EML4: variants seen among roughly 807,000 people sequenced by gnomAD.
EML4 encodes echinoderm microtubule-associated protein-like 4.
In EML4, 72 loss-of-function variants were observed where a neutral mutation model predicts 129.0. That is an observed-to-expected ratio of 0.56 (90% CI 0.46 to 0.68). The LOEUF (loss-of-function observed/expected upper bound fraction) is 0.68. Among genes scored for constraint, EML4 ranks in the 30% least tolerant of loss-of-function variants. The pLI is 0.00. For missense variants in EML4, 1,363 were observed against 1,190.6 expected, an observed-to-expected ratio of 1.14 and a Z score of -2.13; for synonymous variants, 532 against 405.0, an observed-to-expected ratio of 1.31 and a Z score of -3.77.
intron 6 of EML4, 37 bp from the exon 7 acceptor site, chr2:42,280,813 A>G: frequency 6.5e-7 from 1 of 1,549,126 alleles, no homozygotes; most frequent in Non-Finnish European, 8.8e-7. Context: ...TATACAGAAA[A>G]TACGTATGAC....
At chr2:42,182,155 C>CT (rs1670983320) in intron 1 of EML4, among the ~76,000 whole-genome samples, 2 of 97,852 alleles carry the variant, frequency 2.0e-5, no homozygotes, top group African/African-American at 4.1e-5. Flanking sequence ...TAGAAAAATT[C>CT]TTCTTTTTTT....
chr2:42,239,997 T>A (rs1234483763), intron 1 of EML4, among the ~76,000 whole-genome samples: 1 of 152,216 alleles, frequency 6.6e-6, no homozygotes, highest in African/African-American at 2.4e-5. Context: ...GAAGGAACTC[T>A]GACTCGTTTG....
chr2:42,247,764 G>C (rs1162726709), intron 2 of EML4, among the ~76,000 whole-genome samples: 7 of 151,950 alleles, frequency 4.6e-5, no homozygotes, highest in Admixed American at 2.6e-4. Flanking sequence ...GATTTTTATA[G>C]GAGGATTTTG....
intron 1 of EML4, among the ~76,000 whole-genome samples, chr2:42,227,636 T>C (rs973476698): frequency 2.6e-5 from 4 of 152,186 alleles, no homozygotes; most frequent in South Asian, 2.1e-4. Context: ...GGTCCACTTA[T>C]ATAAGGATTT....
chr2:42,200,329 A>C (rs1672151803), intron 1 of EML4, among the ~76,000 whole-genome samples: 1 of 152,120 alleles, frequency 6.6e-6, no homozygotes, highest in Non-Finnish European at 1.5e-5. Flanking sequence ...CGCCTCAAAA[A>C]AAGAGGAATA....
At chr2:42,252,441 C>T (rs774940150) in intron 2 of EML4, among the ~76,000 whole-genome samples, 1 of 152,126 alleles carries the variant, frequency 6.6e-6, no homozygotes, top group Non-Finnish European at 1.5e-5. Context: ...AGACCACTGC[C>T]CTGAAATCAG....
In EML4 at chr2:42,282,825, A is replaced by T; in HGVS notation, c.794A>T (p.Tyr265Phe). The change falls in exon 8 of 23, where the codon TAT becomes TTT. Residue 265 changes from tyrosine to phenylalanine, a missense_variant and splice_region_variant. Physicochemically the swap from Tyr to Phe is conservative, Grantham distance 22. Transcript: ENST00000318522. ...ACCTTGACTCTTTTTCTGTTAAGAT[A>T]TGGTTATCGAGGAAAGGACTGTAGA... The part of the protein sequence containing the change: ...PPEKLKLEWA[Y>F]GYRGKDCRAN... The T allele has an allele frequency of 6.2e-7, 1 of 1,610,090 alleles. No homozygotes were observed. Among genetic ancestry groups the T allele is most frequent in the Non-Finnish European group, 8.5e-7 (1 of 1,178,454 alleles).
chr2:42,244,044 A>C (rs1409614586), intron 1 of EML4, among the ~76,000 whole-genome samples: 6 of 151,910 alleles, frequency 3.9e-5, no homozygotes, highest in Admixed American at 3.3e-4. Context: ...GCTTATACTG[A>C]ATGAACCAAT....
chr2:42,240,077 G>A (rs1222761079), intron 1 of EML4, among the ~76,000 whole-genome samples: 2 of 152,066 alleles, frequency 1.3e-5, no homozygotes, highest in African/African-American at 4.8e-5. Flanking sequence ...ATGATGAGAG[G>A]GGTTGTTGGA....
chr2:42,294,724 G>T (rs1667848988), intron 11 of EML4, among the ~76,000 whole-genome samples: 1 of 151,912 alleles, frequency 6.6e-6, no homozygotes, highest in African/African-American at 2.4e-5. Flanking sequence ...TTGCGTGAAT[G>T]AATGCTCCAT....
chr2:42,304,622 A>T (rs902037631), intron 17 of EML4, 71 bp downstream of exon 17: 18 of 1,144,234 alleles, frequency 1.6e-5, no homozygotes, highest in Non-Finnish European at 2.3e-5. Context: ...AATGTTCTCA[A>T]TCTGATCTGG....
chr2:42,211,271 A>G (rs1672871084), intron 1 of EML4, among the ~76,000 whole-genome samples: 1 of 152,148 alleles, frequency 6.6e-6, no homozygotes, highest in African/African-American at 2.4e-5. Flanking sequence ...GTTGTACAAA[A>G]TGGTAGGGGT....
At chr2:42,245,140 A>G (rs1675315250) in intron 1 of EML4, among the ~76,000 whole-genome samples, 2 of 86,342 alleles carry the variant, frequency 2.3e-5, no homozygotes, top group South Asian at 8.5e-4. Context: ...TGTTGCCCAG[A>G]CTAGAGTGCA....
rs373112232 is a variant in EML4 at position 42,251,027 on chromosome 2, G to A, written c.208+5340G>A. On this transcript the variant is annotated intron_variant, in intron 2 of 22. Coordinates refer to ENST00000318522, the MANE Select transcript of EML4 (RefSeq NM_019063.5). The stretch of plus-strand genomic sequence containing the variant: ...GAGAATCTAATACCGCCACTGATCT[G>A]ACAGGAGGCTGAGCTCAGGTGGTAA... Among the ~76,000 whole-genome samples, 8 of 152,288 alleles carry A rather than the reference G, an allele frequency of 5.3e-5. No individual in the cohort carries two copies. The East Asian group carries it at 7.7e-4, about 15-fold the overall frequency.
At chr2:42,241,802 C>T (rs544750283) in intron 1 of EML4, among the ~76,000 whole-genome samples, 1 of 148,796 alleles carries the variant, frequency 6.7e-6, no homozygotes, top group African/African-American at 2.5e-5. Flanking sequence ...GTTTGGTGAC[C>T]TTGAGCAAGT....
intron 1 of EML4, among the ~76,000 whole-genome samples, chr2:42,173,227 G>T (rs959184163): frequency 1.3e-5 from 2 of 152,084 alleles, no homozygotes; most frequent in Admixed American, 1.3e-4. Flanking sequence ...GAACAATGCT[G>T]TATATGATTT....
intron 6 of EML4, among the ~76,000 whole-genome samples, chr2:42,268,104 A>C (rs913997685): frequency 2.0e-5 from 3 of 152,222 alleles, no homozygotes; most frequent in African/African-American, 7.2e-5. Flanking sequence ...TCCTTGAAAT[A>C]GTTATCAAGT....
chr2:42,229,688 T>G (rs1217289044), intron 1 of EML4, among the ~76,000 whole-genome samples: 1 of 152,032 alleles, frequency 6.6e-6, no homozygotes, highest in Non-Finnish European at 1.5e-5. Flanking sequence ...AATAAAAGCA[T>G]TTAGCTCATT....
At chr2:42,316,272 G>A (rs1446255032) in intron 18 of EML4, among the ~76,000 whole-genome samples, 1 of 152,218 alleles carries the variant, frequency 6.6e-6, no homozygotes, top group African/African-American at 2.4e-5. Context: ...AAAATGGACA[G>A]CTGCATTTGC....
Sources: allele counts gnomAD v4.1 joint callset (sites outside exome capture counted in the v4.1 genomes callset), GRCh38; gene constraint gnomAD v4.1.1; transcripts MANE v1.5; gene names NCBI Gene and HGNC (gene_info 2026-07-23, HGNC 2026-07-21).